Variants in FGD6 observed in about 807,000 individuals in gnomAD.
FGD6 encodes FYVE, RhoGEF and PH domain containing 6, also known as FYVE, RhoGEF and PH domain-containing protein 6.
FGD6 carries 90 observed loss-of-function variants against 149.4 expected under a neutral mutation model. That is an observed-to-expected ratio of 0.60 (90% confidence interval 0.51 to 0.72). The LOEUF (loss-of-function observed/expected upper bound fraction) is 0.72. FGD6 is among the 30% of genes least tolerant of loss of function. The probability of loss-of-function intolerance (pLI) is 0.00; values close to 1 mark genes in which losing one functional copy is unlikely to be tolerated. For missense variants in FGD6, 1,437 were observed against 1,684.8 expected (o/e 0.85, Z 2.57); for synonymous variants, 527 against 584.0 (o/e 0.90, Z 1.41).
intron 2 of FGD6, among the ~76,000 whole-genome samples, chr12:95,180,722 T>C (rs957970968): frequency 6.6e-6 from 1 of 152,078 alleles, no homozygotes; most frequent in Non-Finnish European, 1.5e-5. Context: ...TCAGTACATT[T>C]TTAAAAGTTG....
Position 95,141,418 on chromosome 12 carries a change from A to T in FGD6, c.2807T>A (p.Leu936Ter), listed in dbSNP as rs1334407448. ...CAACATTCTTTCCTCCAGTTCCTTC[A>T]AGAGATCCCGGTTGAGCTCATACAG... The part of the protein sequence containing the change: ...PQLYELNRDL[L>*]KELEERMLHW... The change falls in exon 6 of 21, where the codon TTG (leucine) becomes TAG (stop). Residue 936 changes from leucine to a stop codon, truncating the protein, a stop_gained. Transcript: ENST00000343958. LOFTEE classifies it high-confidence loss of function. 6.2e-7 allele frequency: 1 copy of T among 1,614,154 alleles called. No individual in the cohort carries two copies. Among genetic ancestry groups the T allele is most frequent in the South Asian group, 1.1e-5 (1 of 91,078 alleles).
chr12:95,185,731 C>T (rs993174196), intron 2 of FGD6, among the ~76,000 whole-genome samples: 6 of 151,920 alleles, frequency 3.9e-5, no homozygotes, highest in South Asian at 2.1e-4. Flanking sequence ...CATGGTGGTG[C>T]GCACCTGTAA....
chr12:95,156,379 T>C (rs1177035974), intron 3 of FGD6, among the ~76,000 whole-genome samples: 4 of 151,784 alleles, frequency 2.6e-5, no homozygotes, highest in Non-Finnish European at 4.4e-5. Context: ...CAGTCTTTTA[T>C]GGTCAAGCTG....
chr12:95,175,358 T>C (rs377106712), intron 2 of FGD6, among the ~76,000 whole-genome samples: 2 of 152,024 alleles, frequency 1.3e-5, no homozygotes, highest in African/African-American at 4.8e-5. Flanking sequence ...GAAAATGATA[T>C]CAGAAAGCAA....
At chr12:95,174,655 G>A (rs535766704) in intron 2 of FGD6, among the ~76,000 whole-genome samples, 5 of 152,120 alleles carry the variant, frequency 3.3e-5, no homozygotes, top group African/African-American at 4.8e-5. Context: ...TTGGCCAGGC[G>A]CGGTGGCTCA....
intron 20 of FGD6, among the ~76,000 whole-genome samples, chr12:95,083,824 T>C (rs957519655): frequency 3.3e-5 from 5 of 152,238 alleles, no homozygotes; most frequent in Non-Finnish European, 7.3e-5. Flanking sequence ...AATGTATTCT[T>C]TTGTGAAGCC....
intron 2 of FGD6, among the ~76,000 whole-genome samples, chr12:95,203,342 C>T (rs1360504189): frequency 2.0e-5 from 3 of 152,162 alleles, no homozygotes; most frequent in Non-Finnish European, 4.4e-5. Flanking sequence ...CAAGGGACAA[C>T]AATCCACATT....
intron 8 of FGD6, among the ~76,000 whole-genome samples, chr12:95,123,067 C>G (rs6538598): frequency 4.7e-5 from 7 of 150,440 alleles, no homozygotes; most frequent in East Asian, 2.0e-4. Flanking sequence ...AAAAAAAAAG[C>G]GATCTTTCTG....
At chr12:95,130,074 T>C (rs1248273797) in intron 8 of FGD6, among the ~76,000 whole-genome samples, 1 of 152,192 alleles carries the variant, frequency 6.6e-6, no homozygotes, top group Non-Finnish European at 1.5e-5. Flanking sequence ...CTTAAAAAAA[T>C]ACTAACAAGA....
intron 9 of FGD6, among the ~76,000 whole-genome samples, chr12:95,109,058 G>A (rs1201125193): frequency 6.6e-6 from 1 of 152,126 alleles, no homozygotes; most frequent in Non-Finnish European, 1.5e-5. Context: ...ATTCCAAGAG[G>A]CATGAATTAG....
chr12:95,161,619 C>T (rs1327076657), intron 3 of FGD6, among the ~76,000 whole-genome samples: 4 of 152,182 alleles, frequency 2.6e-5, no homozygotes, highest in African/African-American at 9.7e-5. Context: ...TAAGTTTGCT[C>T]ATTTTTTTTC....
intron 2 of FGD6, among the ~76,000 whole-genome samples, chr12:95,184,618 C>T (rs916979083): frequency 4.0e-5 from 6 of 149,442 alleles, no homozygotes; most frequent in Non-Finnish European, 5.9e-5. Flanking sequence ...CTTGCTCTGT[C>T]GCCCAGGCTG....
intron 2 of FGD6, among the ~76,000 whole-genome samples, chr12:95,192,901 CA>C (rs1230727864): frequency 2.6e-5 from 4 of 151,546 alleles, no homozygotes; most frequent in Admixed American, 2.6e-4. Context: ...TGTAGATGGG[CA>C]ATAAGATGAT....
At chr12:95,156,618 T>C (rs1880480066) in intron 3 of FGD6, among the ~76,000 whole-genome samples, 1 of 152,180 alleles carries the variant, frequency 6.6e-6, no homozygotes. Context: ...TGTGATATTC[T>C]ATTACCTTGT....
intron 14 of FGD6, among the ~76,000 whole-genome samples, chr12:95,096,672 A>G (rs908370467): frequency 6.6e-6 from 1 of 152,184 alleles, no homozygotes; most frequent in African/African-American, 2.4e-5. Context: ...CAACTACAAC[A>G]TCATCACCCA....
intron 14 of FGD6, chr12:95,100,711 C>T: frequency 1.9e-6 from 1 of 534,838 alleles, no homozygotes; most frequent in Non-Finnish European, 3.8e-6. Flanking sequence ...GTTGACTGCC[C>T]TTGCAACAGA....
chr12:95,100,942 G>C (rs1878406660), intron 14 of FGD6: 2 of 372,252 alleles, frequency 5.4e-6, no homozygotes, highest in Admixed American at 6.4e-5. Context: ...TGTCTACCCA[G>C]CTACCACTGG....
At chr12:95,168,382 A>T (rs1261023566) in intron 3 of FGD6, among the ~76,000 whole-genome samples, 3 of 152,030 alleles carry the variant, frequency 2.0e-5, no homozygotes, top group African/African-American at 7.2e-5. Context: ...CGTTAATAGC[A>T]GCCAGGCGCG....
At chr12:95,193,357 G>T (rs926973247) in intron 2 of FGD6, among the ~76,000 whole-genome samples, 2 of 151,268 alleles carry the variant, frequency 1.3e-5, no homozygotes, top group Admixed American at 1.3e-4. Context: ...AAATCATGCT[G>T]AATTTTTTTT....
Sources: allele counts gnomAD v4.1 joint callset (sites outside exome capture counted in the v4.1 genomes callset), GRCh38; gene constraint gnomAD v4.1.1; transcripts MANE v1.5; gene names NCBI Gene and HGNC (gene_info 2026-07-23, HGNC 2026-07-21).